The following RBFOX1 variants were observed in gnomAD, a reference collection of about 807,000 sequenced individuals.
RBFOX1 encodes RNA binding fox-1 homolog 1.
A neutral mutation model predicts 57.7 loss-of-function variants in RBFOX1; 8 were observed. The observed-to-expected ratio is 0.14, with a 90% confidence interval of 0.08 to 0.25. The LOEUF (loss-of-function observed/expected upper bound fraction) is 0.25, where lower values mean the gene tolerates loss of function less well. RBFOX1 is among the 10% of genes least tolerant of loss of function. The pLI is 1.00. For synonymous variants in RBFOX1, 326 were observed against 222.4 expected, an observed-to-expected ratio of 1.47 and a Z score of -4.15; for missense variants, 611 against 548.5, an observed-to-expected ratio of 1.11 and a Z score of -1.14.
At chr16:6,478,429 A>ATATATTTTT (rs1159954387) in intron 2 of RBFOX1, among the ~76,000 whole-genome samples, 32 of 24,574 alleles carry the variant, frequency 1.3e-3, no homozygotes, top group South Asian at 2.5e-3. Context: ...ATATATATAT[A>ATATATTTTT]TTTTTTTTTT....
At chr16:7,004,917 G>A (rs2093164583) in intron 3 of RBFOX1, among the ~76,000 whole-genome samples, 1 of 152,150 alleles carries the variant, frequency 6.6e-6, no homozygotes, top group African/African-American at 2.4e-5. Flanking sequence ...TGTAAGGTGG[G>A]CCGATCACTT....
chr16:5,897,574 A>G (rs961210493), intron 4 of RBFOX1, among the ~76,000 whole-genome samples: 1 of 152,190 alleles, frequency 6.6e-6, no homozygotes, highest in Non-Finnish European at 1.5e-5. Flanking sequence ...CACTTAATAT[A>G]AAAGAGAAAC....
intron 1 of RBFOX1, among the ~76,000 whole-genome samples, chr16:5,338,519 G>T (rs1473416206): frequency 2.0e-5 from 3 of 152,156 alleles, no homozygotes; most frequent in Non-Finnish European, 4.4e-5. Flanking sequence ...TAACCTTCTT[G>T]ACAGATTTCC....
chr16:6,210,108 A>G (rs2097283379), intron 1 of RBFOX1, among the ~76,000 whole-genome samples: 1 of 151,984 alleles, frequency 6.6e-6, no homozygotes, highest in Non-Finnish European at 1.5e-5. Flanking sequence ...ACCTGAGGTC[A>G]GGAGTTCGAG....
chr16:6,197,863 T>C (rs751524869), intron 1 of RBFOX1, among the ~76,000 whole-genome samples: 9 of 152,104 alleles, frequency 5.9e-5, no homozygotes, highest in East Asian at 1.9e-4. Context: ...TGAGTTTCCA[T>C]CATTTAGCTT....
At chr16:5,559,670 C>T (rs2880356) in intron 2 of RBFOX1, among the ~76,000 whole-genome samples, 107,531 of 152,080 alleles carry the variant, frequency 0.71, 38,165 homozygotes, top group South Asian at 0.82. Context: ...ATTTTCTCCT[C>T]TTTCCCCTTG....
chr16:6,504,404 C>T (rs1263040739), intron 2 of RBFOX1, among the ~76,000 whole-genome samples: 2 of 152,192 alleles, frequency 1.3e-5, no homozygotes, highest in Non-Finnish European at 2.9e-5. Flanking sequence ...TCTGATTCTG[C>T]TGGCACTGGT....
intron 4 of RBFOX1, among the ~76,000 whole-genome samples, chr16:7,411,044 T>G (rs758594996): frequency 6.6e-6 from 1 of 152,142 alleles, no homozygotes. Flanking sequence ...CTCTTGAGTT[T>G]AAGCAATTCT....
intron 2 of RBFOX1, among the ~76,000 whole-genome samples, chr16:6,576,325 C>G (rs867111941): frequency 6.6e-6 from 1 of 152,160 alleles, no homozygotes; most frequent in Admixed American, 6.5e-5. Context: ...TCCCCAAACA[C>G]GCACATCTTT....
intron 1 of RBFOX1, among the ~76,000 whole-genome samples, chr16:6,124,993 C>A (rs373367466): frequency 1.3e-5 from 2 of 152,270 alleles, no homozygotes; most frequent in East Asian, 1.9e-4. Flanking sequence ...GTTGAGCCAA[C>A]GCTTTGGAAG....
At chr16:5,712,654 A>G (rs1247909270) in intron 3 of RBFOX1, among the ~76,000 whole-genome samples, 3 of 152,222 alleles carry the variant, frequency 2.0e-5, no homozygotes, top group Non-Finnish European at 4.4e-5. Flanking sequence ...GGAAGTCCAG[A>G]GAAGTTGCCT....
chr16:7,660,243 G>A (rs776991035), intron 12 of RBFOX1, among the ~76,000 whole-genome samples: 4 of 152,124 alleles, frequency 2.6e-5, no homozygotes, highest in African/African-American at 7.2e-5. Flanking sequence ...AAGAAAATAA[G>A]ATGTGCATTT....
At chr16:5,266,044 T>TA (rs148022979) in intron 1 of RBFOX1, among the ~76,000 whole-genome samples, 52,205 of 149,960 alleles carry the variant, frequency 0.35, 9,076 homozygotes, top group African/African-American at 0.41. Flanking sequence ...CCAGGCTGAT[T>TA]AAAAAAAAAA....
intron 4 of RBFOX1, among the ~76,000 whole-genome samples, chr16:7,143,629 G>A (rs1054103898): frequency 1.3e-5 from 2 of 152,146 alleles, no homozygotes; most frequent in Admixed American, 1.3e-4. Context: ...TGTCCTTGAA[G>A]GGGAGTGAGT....
intron 2 of RBFOX1, among the ~76,000 whole-genome samples, chr16:6,530,782 C>G (rs1223198098): frequency 6.8e-6 from 1 of 147,810 alleles, no homozygotes; most frequent in African/African-American, 2.4e-5. Flanking sequence ...GAGACTTATT[C>G]ACTATCACTA....
chr16:5,929,315 C>CCTCTCTCTCTCTCTCTCT, intron 4 of RBFOX1, among the ~76,000 whole-genome samples: 1 of 148,022 alleles, frequency 6.8e-6, no homozygotes, highest in East Asian at 2.0e-4. Context: ...CAGTCTTAAG[C>CCTCTCTCTCTCTCTCTCT]CTCTCTCTCT....
At chr16:5,449,054 C>T (rs1567526353) in intron 1 of RBFOX1, among the ~76,000 whole-genome samples, 1 of 152,128 alleles carries the variant, frequency 6.6e-6, no homozygotes, top group Non-Finnish European at 1.5e-5. Context: ...AAAGACTGGA[C>T]ACGTTACCCC....
intron 3 of RBFOX1, among the ~76,000 whole-genome samples, chr16:6,737,550 C>T (rs2070751289): frequency 6.6e-6 from 1 of 152,190 alleles, no homozygotes; most frequent in Admixed American, 6.5e-5. Context: ...TGCTCAACAT[C>T]AGTTTTAAAT....
At chr16:6,128,111 A>G (rs2096603332) in intron 1 of RBFOX1, among the ~76,000 whole-genome samples, 1 of 152,164 alleles carries the variant, frequency 6.6e-6, no homozygotes, top group Non-Finnish European at 1.5e-5. Flanking sequence ...TATCTCTAAA[A>G]TGCACACATT....
Sources: gnomAD v4.1 joint callset for allele counts (sites outside exome capture counted in the v4.1 genomes callset) on GRCh38, gnomAD v4.1.1 for gene constraint, MANE v1.5 for transcripts, NCBI Gene and HGNC (gene_info 2026-07-23, HGNC 2026-07-21) for gene names.